The following ATRNL1 variants were observed in gnomAD, a reference collection of about 807,000 sequenced individuals.
ATRNL1 encodes the protein attractin like 1.
Under a neutral mutation model 182.7 loss-of-function variants are expected in ATRNL1, and 95 were observed. The ratio of observed to expected loss-of-function variants is 0.52; its 90% CI spans 0.44 to 0.62. ATRNL1 has a LOEUF of 0.62. ATRNL1 is among the 20% of genes least tolerant of loss of function. The pLI, the probability that ATRNL1 is intolerant of heterozygous loss-of-function variation, is 0.00. For synonymous variants in ATRNL1, 576 were observed against 568.3 expected, an observed-to-expected ratio of 1.01 and a Z score of -0.19; for missense variants, 1,471 against 1,679.5, an observed-to-expected ratio of 0.88 and a Z score of 2.17.
chr10:115,515,894 C>T (rs968622628), intron 24 of ATRNL1, among the ~76,000 whole-genome samples: 13 of 151,932 alleles, frequency 8.6e-5, no homozygotes, highest in Admixed American at 3.3e-4. Context: ...GTTCTTTGAT[C>T]ATCTTGGCAC....
intron 18 of ATRNL1, among the ~76,000 whole-genome samples, chr10:115,326,196 G>A (rs1002788223): frequency 6.6e-6 from 1 of 152,114 alleles, no homozygotes; most frequent in Non-Finnish European, 1.5e-5. Flanking sequence ...TATTGTCTCA[G>A]CCCAAAATCT....
intron 20 of ATRNL1, among the ~76,000 whole-genome samples, chr10:115,410,098 C>A (rs180953626): frequency 6.6e-6 from 1 of 152,036 alleles, no homozygotes; most frequent in Admixed American, 6.5e-5. Flanking sequence ...AGTGTATTAT[C>A]TTTTTATATA....
intron 10 of ATRNL1, among the ~76,000 whole-genome samples, chr10:115,258,398 T>C (rs1216013938): frequency 6.6e-6 from 1 of 152,132 alleles, no homozygotes; most frequent in Non-Finnish European, 1.5e-5. Flanking sequence ...TTCTACTTGA[T>C]TGAATCAGCT....
chr10:115,408,688 T>C (rs1168203124), intron 20 of ATRNL1, among the ~76,000 whole-genome samples: 1 of 152,116 alleles, frequency 6.6e-6, no homozygotes, highest in Non-Finnish European at 1.5e-5. Context: ...TTTCTAGTAG[T>C]TTTATTGTTT....
chr10:115,194,192 C>T (rs1554890502), intron 8 of ATRNL1, among the ~76,000 whole-genome samples: 1 of 151,882 alleles, frequency 6.6e-6, no homozygotes, highest in African/African-American at 2.4e-5. Context: ...ATGAAATGGT[C>T]TGTAAATGTC....
chr10:115,234,045 G>A (rs1227712897), intron 9 of ATRNL1, among the ~76,000 whole-genome samples: 2 of 151,726 alleles, frequency 1.3e-5, no homozygotes, highest in East Asian at 3.9e-4. Context: ...ATGTATATAT[G>A]TATATATTAT....
intron 26 of ATRNL1, among the ~76,000 whole-genome samples, chr10:115,609,654 AT>A (rs146422990): frequency 9.1e-4 from 137 of 151,016 alleles, no homozygotes; most frequent in African/African-American, 3.1e-3. Context: ...TCTCCTATTC[AT>A]TTTTTTTTAA....
chr10:115,876,470 T>C lies in ATRNL1; in HGVS notation c.4018+28479T>C, dbSNP rs114201727. On this transcript the variant is annotated intron_variant, in intron 28 of 28. Coordinates refer to ENST00000355044, the MANE Select transcript of ATRNL1 (RefSeq NM_207303.4). ...CACATACCTAGCAAAATGTAGGAACTTTATAACAGGCATTTTCTTTGCTGC... is the reference window on the plus strand; with the variant it reads ...CACATACCTAGCAAAATGTAGGAACCTTATAACAGGCATTTTCTTTGCTGC... 8.2e-3 allele frequency among the ~76,000 whole-genome samples: 1,255 copies of C among 152,318 alleles called. 16 individuals carry two copies. The highest frequency in any genetic ancestry group is 0.028 in the African/African-American group (1,169 of 41,568).
chr10:115,854,704 T>TA (rs1188829766), intron 28 of ATRNL1, among the ~76,000 whole-genome samples: 3 of 152,218 alleles, frequency 2.0e-5, no homozygotes, highest in Non-Finnish European at 4.4e-5. Context: ...TCTGTTTTTG[T>TA]AAAGTCTGTT....
At chr10:115,321,321 G>A (rs1854573256) in intron 18 of ATRNL1, among the ~76,000 whole-genome samples, 1 of 152,102 alleles carries the variant, frequency 6.6e-6, no homozygotes, top group Non-Finnish European at 1.5e-5. Flanking sequence ...TCTTTTAAGT[G>A]GAAAGTTTAA....
chr10:115,900,488 T>C (rs1952322649), intron 28 of ATRNL1, among the ~76,000 whole-genome samples: 1 of 152,230 alleles, frequency 6.6e-6, no homozygotes, highest in East Asian at 1.9e-4. Flanking sequence ...TTTTAAAACC[T>C]GCAAAAGGCA....
chr10:115,422,636 G>T (rs574951944), intron 20 of ATRNL1, among the ~76,000 whole-genome samples: 1 of 152,262 alleles, frequency 6.6e-6, no homozygotes, highest in South Asian at 2.1e-4. Context: ...ATTTCTAAAA[G>T]AACTCAGAGC....
chr10:115,256,329 T>A (rs1192041073), intron 10 of ATRNL1, among the ~76,000 whole-genome samples: 3 of 152,194 alleles, frequency 2.0e-5, no homozygotes, highest in African/African-American at 7.2e-5. Flanking sequence ...GTTATTGGTC[T>A]ATTCAGAGAT....
chr10:115,826,972 C>A (rs1313809350), intron 27 of ATRNL1, among the ~76,000 whole-genome samples: 3 of 152,122 alleles, frequency 2.0e-5, no homozygotes, highest in Non-Finnish European at 4.4e-5. Context: ...AGGGACCCAT[C>A]CCTGTCTGCC....
At position 115,394,712 on chromosome 10, in the gene ATRNL1, T is replaced by C; in HGVS notation, c.3229T>C (p.Phe1077Leu). 6.2e-7 allele frequency: 1 copy of C among 1,610,752 alleles called. No individual in the cohort carries two copies. Among genetic ancestry groups the C allele is most frequent in the East Asian group, 2.2e-5 (1 of 44,760 alleles). ...NICHLHTGKC[F>L]CTTKGIKGDQ... ...CTGTCATCTGCACACAGGAAAATGTTTCTGCACAACTAAAGGAATAAAAGG... is the reference window on the plus strand; with the variant it reads ...CTGTCATCTGCACACAGGAAAATGTCTCTGCACAACTAAAGGAATAAAAGG... The change falls in exon 20 of 29, where the codon TTC becomes CTC. Residue 1077 changes from phenylalanine to leucine, a missense_variant. By Grantham distance (22) the Phe-to-Leu change is conservative (BLOSUM62 0). Around this residue, in one of 3 missense-constraint regions of ATRNL1, gnomAD observed 437 missense variants for 506.0 expected, o/e 0.86. Coordinates refer to ENST00000355044, the MANE Select transcript of ATRNL1 (RefSeq NM_207303.4).
chr10:115,809,016 T>C (rs1437979815), intron 27 of ATRNL1, among the ~76,000 whole-genome samples: 1 of 152,154 alleles, frequency 6.6e-6, no homozygotes, highest in Non-Finnish European at 1.5e-5. Context: ...TTTTGTTTGT[T>C]TGTTTTTCTT....
intron 5 of ATRNL1, among the ~76,000 whole-genome samples, chr10:115,152,576 CTT>C (rs565246855): frequency 0.012 from 1,761 of 152,266 alleles, 7 homozygotes; most frequent in Non-Finnish European, 0.018. Flanking sequence ...TATCCTGAGA[CTT>C]TGCTGAAGTT....
At chr10:115,499,220 G>C in intron 24 of ATRNL1, among the ~76,000 whole-genome samples, 2 of 152,042 alleles carry the variant, frequency 1.3e-5, no homozygotes, top group East Asian at 1.9e-4. Flanking sequence ...GACAAAAATA[G>C]GTTTTAACTT....
intron 8 of ATRNL1, among the ~76,000 whole-genome samples, chr10:115,204,424 G>T (rs1848720516): frequency 1.3e-5 from 2 of 152,052 alleles, no homozygotes; most frequent in African/African-American, 4.8e-5. Context: ...ATGTGGACTT[G>T]TCATATATGG....
Sources: allele counts gnomAD v4.1 joint callset (sites outside exome capture counted in the v4.1 genomes callset), GRCh38; gene constraint gnomAD v4.1.1; regional missense constraint gnomAD v4.1.1; transcripts MANE v1.5; gene names NCBI Gene and HGNC (gene_info 2026-07-23, HGNC 2026-07-21).